The following DPP10 variants were observed in gnomAD, a reference collection of about 807,000 sequenced individuals.
DPP10 encodes inactive dipeptidyl peptidase 10.
In DPP10, 33 loss-of-function variants were observed where a neutral mutation model predicts 120.9. The observed-to-expected ratio is 0.27, with a 90% CI of 0.21 to 0.37. The LOEUF is 0.37. Among genes scored for constraint, DPP10 ranks in the 10% least tolerant of loss-of-function variants. The probability of loss-of-function intolerance (pLI) is 1.00; values close to 1 mark genes in which losing one functional copy is unlikely to be tolerated. For missense variants in DPP10, 816 were observed against 942.8 expected, an observed-to-expected ratio of 0.87 and a Z score of 1.76; for synonymous variants, 337 against 326.1, an observed-to-expected ratio of 1.03 and a Z score of -0.36.
chr2:115,077,134 G>T (rs1248740840), intron 1 of DPP10, among the ~76,000 whole-genome samples: 1 of 152,096 alleles, frequency 6.6e-6, no homozygotes, highest in Non-Finnish European at 1.5e-5. Context: ...TTCCATGCGA[G>T]CATTGTATAT....
At chr2:115,017,767 C>T (rs1028710911) in intron 1 of DPP10, among the ~76,000 whole-genome samples, 2 of 151,572 alleles carry the variant, frequency 1.3e-5, no homozygotes, top group African/African-American at 4.9e-5. Flanking sequence ...AAAAGCCAAA[C>T]ATCGCATGTT....
At chr2:115,338,154 A>G (rs1350473336) in intron 2 of DPP10, among the ~76,000 whole-genome samples, 2 of 152,142 alleles carry the variant, frequency 1.3e-5, no homozygotes, top group Admixed American at 1.3e-4. Flanking sequence ...AGAATGGAAA[A>G]CAAAGGACTG....
chr2:115,688,659 T>G (rs1273204776), intron 5 of DPP10, among the ~76,000 whole-genome samples: 5 of 152,194 alleles, frequency 3.3e-5, no homozygotes, highest in African/African-American at 1.2e-4. Context: ...ACCCATCTTT[T>G]GTAATTTTCC....
intron 7 of DPP10, among the ~76,000 whole-genome samples, chr2:115,712,868 C>T (rs1284606145): frequency 6.6e-6 from 1 of 151,802 alleles, no homozygotes; most frequent in Non-Finnish European, 1.5e-5. Flanking sequence ...GTCATCAAGT[C>T]CATTGCAAAT....
At chr2:115,176,919 T>A (rs984417117) in intron 1 of DPP10, among the ~76,000 whole-genome samples, 1 of 152,216 alleles carries the variant, frequency 6.6e-6, no homozygotes, top group African/African-American at 2.4e-5. Flanking sequence ...CAATGCACTG[T>A]GAGCATGGCT....
intron 3 of DPP10, among the ~76,000 whole-genome samples, chr2:115,415,762 A>C (rs1346374642): frequency 1.3e-5 from 2 of 149,034 alleles, no homozygotes; most frequent in Non-Finnish European, 3.0e-5. Context: ...TATATGTAAA[A>C]CTACGATTCT....
At chr2:114,891,937 C>A (rs925653108) in intron 1 of DPP10, among the ~76,000 whole-genome samples, 8 of 145,796 alleles carry the variant, frequency 5.5e-5, no homozygotes, top group Admixed American at 4.8e-4. Context: ...CTGAGGATGT[C>A]TGTCTGTCTG....
intron 1 of DPP10, among the ~76,000 whole-genome samples, chr2:115,294,940 C>T (rs1175749272): frequency 6.6e-6 from 1 of 152,032 alleles, no homozygotes; most frequent in Admixed American, 6.6e-5. Flanking sequence ...TTTCTACCTA[C>T]AGGTTGGTAG....
chr2:115,167,090 A>T (rs781780896), intron 1 of DPP10, among the ~76,000 whole-genome samples: 2 of 152,172 alleles, frequency 1.3e-5, no homozygotes. Flanking sequence ...CTTGGGCAGG[A>T]TAACTGAATT....
At chr2:115,237,164 C>G (rs973933448) in intron 1 of DPP10, among the ~76,000 whole-genome samples, 1 of 151,660 alleles carries the variant, frequency 6.6e-6, no homozygotes, top group East Asian at 1.9e-4. Flanking sequence ...AAATTTTTGG[C>G]ATCATTTTTG....
intron 1 of DPP10, among the ~76,000 whole-genome samples, chr2:114,848,599 C>A (rs182930569): frequency 2.0e-5 from 3 of 152,122 alleles, no homozygotes; most frequent in East Asian, 1.9e-4. Context: ...CACATAGATA[C>A]GACTAGGACT....
intron 1 of DPP10, among the ~76,000 whole-genome samples, chr2:114,892,256 A>C (rs1211935597): frequency 6.6e-6 from 1 of 152,218 alleles, no homozygotes; most frequent in Non-Finnish European, 1.5e-5. Flanking sequence ...TAAGAGAGAT[A>C]AACCATGTAC....
intron 1 of DPP10, among the ~76,000 whole-genome samples, chr2:115,215,375 AAAAAT>A (rs1297791127): frequency 1.3e-5 from 2 of 152,226 alleles, no homozygotes; most frequent in Non-Finnish European, 2.9e-5. Flanking sequence ...CCAAAAAAGA[AAAAAT>A]AAAATAGGCC....
At chr2:115,532,973 A>G (rs1347634220) in intron 5 of DPP10, among the ~76,000 whole-genome samples, 1 of 152,052 alleles carries the variant, frequency 6.6e-6, no homozygotes, top group Admixed American at 6.6e-5. Context: ...TAAAAAGTCA[A>G]GAGTCCTTTA....
intron 17 of DPP10, among the ~76,000 whole-genome samples, chr2:115,790,165 C>T (rs1187666731): frequency 3.3e-5 from 5 of 150,844 alleles, no homozygotes; most frequent in South Asian, 2.1e-4. Context: ...CTGCAAGCTC[C>T]GCTTCCCGGG....
intron 3 of DPP10, among the ~76,000 whole-genome samples, chr2:115,444,114 A>G (rs187097799): frequency 6.6e-6 from 1 of 152,178 alleles, no homozygotes; most frequent in Non-Finnish European, 1.5e-5. Flanking sequence ...CTGAAACAGG[A>G]CAAAGGAATT....
intron 1 of DPP10, among the ~76,000 whole-genome samples, chr2:115,101,744 T>A (rs763197466): frequency 1.4e-4 from 21 of 152,212 alleles, no homozygotes; most frequent in Non-Finnish European, 2.6e-4. Flanking sequence ...CCTAAAAACA[T>A]CACTGCTGTG....
chr2:115,537,115 G>A (rs763984589), intron 5 of DPP10, among the ~76,000 whole-genome samples: 81 of 152,108 alleles, frequency 5.3e-4, no homozygotes, highest in Non-Finnish European at 7.8e-4. Context: ...ACTGCAAGAT[G>A]CAGGTTCCAA....
At chr2:115,690,613 A>G (rs866387464) in intron 7 of DPP10, among the ~76,000 whole-genome samples, 2 of 152,188 alleles carry the variant, frequency 1.3e-5, no homozygotes, top group African/African-American at 4.8e-5. Context: ...GGGTTTTACC[A>G]TGTTGGCCAG....
Sources: gnomAD v4.1 joint callset for allele counts (sites outside exome capture counted in the v4.1 genomes callset) on GRCh38, gnomAD v4.1.1 for gene constraint, MANE v1.5 for transcripts, NCBI Gene and HGNC (gene_info 2026-07-23, HGNC 2026-07-21) for gene names.